Variants in SDK1 observed in about 807,000 individuals in gnomAD.
SDK1 encodes sidekick cell adhesion molecule 1, also known as protein sidekick-1.
A neutral mutation model predicts 245.5 loss-of-function variants in SDK1; 157 were observed. The ratio of observed to expected loss-of-function variants is 0.64; its 90% CI spans 0.56 to 0.73. The LOEUF is 0.73. SDK1 is among the 30% of genes least tolerant of loss of function. The pLI, the probability that SDK1 is intolerant of heterozygous loss-of-function variation, is 0.00. For missense variants in SDK1, 3,583 were observed against 3,002.3 expected, an observed-to-expected ratio of 1.19 and a Z score of -4.52; for synonymous variants, 1,647 against 1,278.5, an observed-to-expected ratio of 1.29 and a Z score of -6.15.
At chr7:3,691,207 C>G (rs1354704475) in intron 4 of SDK1, among the ~76,000 whole-genome samples, 1 of 152,086 alleles carries the variant, frequency 6.6e-6, no homozygotes, top group Non-Finnish European at 1.5e-5. Flanking sequence ...GAATTCTGGA[C>G]TTTAGATTTG....
chr7:3,582,959 A>G (rs983369035), intron 1 of SDK1, among the ~76,000 whole-genome samples: 1 of 152,310 alleles, frequency 6.6e-6, no homozygotes, highest in East Asian at 1.9e-4. Flanking sequence ...CGTATAGGTA[A>G]TGATCATGCA....
At chr7:3,974,842 T>G (rs1782787071) in intron 13 of SDK1, 1 of 282,024 alleles carries the variant, frequency 3.5e-6, no homozygotes, top group South Asian at 5.2e-5. Context: ...TAGGCCCTGT[T>G]TACCACTCTG....
At chr7:3,349,358 C>G (rs1186764988) in intron 1 of SDK1, among the ~76,000 whole-genome samples, 2 of 151,386 alleles carry the variant, frequency 1.3e-5, no homozygotes, top group Non-Finnish European at 2.9e-5. Flanking sequence ...AGTTACTCAT[C>G]TGAAAAAGAA....
intron 1 of SDK1, among the ~76,000 whole-genome samples, chr7:3,314,798 A>G (rs1249208132): frequency 6.6e-6 from 1 of 152,348 alleles, no homozygotes; most frequent in East Asian, 1.9e-4. Flanking sequence ...AGATGCCTTA[A>G]GAGGTTTTAT....
chr7:3,654,582 A>C (rs989616111), intron 4 of SDK1, among the ~76,000 whole-genome samples: 1 of 152,196 alleles, frequency 6.6e-6, no homozygotes, highest in Admixed American at 6.5e-5. Context: ...GGACTTAATG[A>C]AGGTCACTCA....
At chr7:4,199,072 C>T (rs1490381217) in intron 35 of SDK1, among the ~76,000 whole-genome samples, 2 of 152,180 alleles carry the variant, frequency 1.3e-5, no homozygotes, top group African/African-American at 4.8e-5. Flanking sequence ...TCCTCGGCCT[C>T]CCAAAGTGCT....
At position 3,340,282 on chromosome 7, in the gene SDK1, A is replaced by C. The variant is rs984407571; in HGVS notation, c.298+38398A>C. Among the ~76,000 whole-genome samples, 5 of 152,142 alleles carry C rather than the reference A, an allele frequency of 3.3e-5. No individual in the cohort carries two copies. In the East Asian group the frequency reaches 9.7e-4, roughly 29 times the overall value. ...AAGGAGTCACAGAAAGTGGTTTCCC[A>C]GTGTATATATATAAAAGTTACATTT... is the stretch of plus-strand genomic sequence containing the variant. On this transcript the variant is annotated intron_variant, in intron 1 of 44. Coordinates refer to ENST00000404826, the MANE Select transcript of SDK1 (RefSeq NM_152744.4).
rs1156413365 is a variant in SDK1 at position 4,113,313 on chromosome 7, T to G, written c.3459T>G (p.Ile1153Met). 2 of 1,613,926 alleles carry G rather than the reference T, an allele frequency of 1.2e-6. No homozygotes were observed. Among genetic ancestry groups the G allele is most frequent in the East Asian group, 4.5e-5 (2 of 44,868 alleles). ...GATTTCGAATGAAGCAAGTGAACAT[T>G]GTTGGGCCGAGCCCCTACAGTCCGT... ...HYRFRMKQVN[I>M]VGPSPYSPSS... The change falls in exon 24 of 45, where the codon ATT becomes ATG. Residue 1153 changes from isoleucine (I) to methionine (M), a missense_variant. Ile to Met is a conservative substitution (Grantham distance 10). Transcript: ENST00000404826.
At chr7:3,790,135 G>T (rs543289484) in intron 4 of SDK1, among the ~76,000 whole-genome samples, 1 of 152,276 alleles carries the variant, frequency 6.6e-6, no homozygotes, top group Admixed American at 6.5e-5. Flanking sequence ...CAGACTGAAT[G>T]GTGGGGCCAC....
intron 4 of SDK1, among the ~76,000 whole-genome samples, chr7:3,769,401 C>T (rs1780344142): frequency 6.6e-6 from 1 of 152,208 alleles, no homozygotes; most frequent in African/African-American, 2.4e-5. Flanking sequence ...GGTCTCTCTT[C>T]TTACAAAGCC....
intron 1 of SDK1, among the ~76,000 whole-genome samples, chr7:3,321,470 A>G (rs80327002): frequency 0.016 from 2,494 of 152,238 alleles, 61 homozygotes; most frequent in African/African-American, 0.05. Flanking sequence ...CTGGCTTCCT[A>G]TTGTAGGAAC....
chr7:3,803,328 G>A (rs79275188), intron 4 of SDK1, among the ~76,000 whole-genome samples: 5 of 112,360 alleles, frequency 4.4e-5, no homozygotes, highest in African/African-American at 1.9e-4. Flanking sequence ...TTTTTTTTTT[G>A]GAAACAAAGT....
At chr7:3,633,844 G>A (rs1782375670) in intron 2 of SDK1, among the ~76,000 whole-genome samples, 1 of 152,076 alleles carries the variant, frequency 6.6e-6, no homozygotes, top group Non-Finnish European at 1.5e-5. Context: ...CAGGAACAGA[G>A]TGAGCCACAG....
At chr7:3,383,508 C>A (rs770425505) in intron 1 of SDK1, among the ~76,000 whole-genome samples, 1 of 152,104 alleles carries the variant, frequency 6.6e-6, no homozygotes, top group Admixed American at 6.5e-5. Flanking sequence ...CTCTTTTTGG[C>A]CTCCATGTAA....
At chr7:3,314,789 G>T (rs970460070) in intron 1 of SDK1, among the ~76,000 whole-genome samples, 1 of 152,132 alleles carries the variant, frequency 6.6e-6, no homozygotes, top group Middle Eastern at 3.2e-3. Context: ...TAGATGTAGA[G>T]ATGCCTTAAG....
intron 34 of SDK1, among the ~76,000 whole-genome samples, chr7:4,177,376 A>C (rs546204673): frequency 1.8e-4 from 27 of 152,304 alleles, no homozygotes; most frequent in Admixed American, 1.5e-3. Flanking sequence ...TTTTGGCTTA[A>C]AGGTCAATTA....
At chr7:3,363,880 A>C (rs1208793969) in intron 1 of SDK1, among the ~76,000 whole-genome samples, 1 of 151,950 alleles carries the variant, frequency 6.6e-6, no homozygotes, top group East Asian at 1.9e-4. Context: ...GGTTTAAGAA[A>C]CCTTTTTTGA....
At chr7:4,056,039 G>A (rs1291893423) in intron 19 of SDK1, among the ~76,000 whole-genome samples, 1 of 151,932 alleles carries the variant, frequency 6.6e-6, no homozygotes, top group Non-Finnish European at 1.5e-5. Flanking sequence ...TTTGTTTAAT[G>A]GCCTAGGATA....
At chr7:3,591,190 C>G (rs1206830662) in intron 1 of SDK1, among the ~76,000 whole-genome samples, 1 of 152,112 alleles carries the variant, frequency 6.6e-6, no homozygotes, top group Non-Finnish European at 1.5e-5. Context: ...AAGGTGTTAA[C>G]CTTTATCTTT....
Sources: gnomAD v4.1 joint callset for allele counts (sites outside exome capture counted in the v4.1 genomes callset) on GRCh38, gnomAD v4.1.1 for gene constraint, MANE v1.5 for transcripts, NCBI Gene and HGNC (gene_info 2026-07-23, HGNC 2026-07-21) for gene names.